The following ESCO2 variants were observed in gnomAD, a reference collection of about 807,000 sequenced individuals.
ESCO2 encodes the protein establishment of sister chromatid cohesion N-acetyltransferase 2.
In ESCO2, 51 loss-of-function variants were observed where a neutral mutation model predicts 61.7. The observed-to-expected ratio is 0.83, with a 90% confidence interval of 0.66 to 1.04. The LOEUF (loss-of-function observed/expected upper bound fraction) is 1.04, where lower values mean the gene tolerates loss of function less well. Among genes scored for constraint, ESCO2 ranks in the 50% least tolerant of loss-of-function variants. The probability of loss-of-function intolerance (pLI) is 0.00; values close to 1 mark genes in which losing one functional copy is unlikely to be tolerated. For missense variants in ESCO2, 692 were observed against 686.2 expected (o/e 1.01, Z -0.09); for synonymous variants, 230 against 238.2 (o/e 0.97, Z 0.32).
At position 27,776,797 on chromosome 8, in the gene ESCO2, A is replaced by G. The variant is rs781481684; in HGVS notation, c.489A>G (p.Arg163=). The G allele has an allele frequency of 2.5e-6, 4 of 1,614,146 alleles. No homozygotes were observed. The East Asian group carries it at 6.7e-5, about 27-fold the overall frequency. ...RHIKPVSRNS[R]NSKQNRVIYK... ...TCAAGCCTGTATCAAGGAATTCTAG[A>G]AATTCCAAGCAAAATCGAGTGATCT... The change falls in exon 3 of 11, where the codon AGA becomes AGG. Residue 163 remains arginine, a synonymous_variant. Coordinates refer to ENST00000305188, the MANE Select transcript of ESCO2 (RefSeq NM_001017420.3).
chr8:27,791,999 G>A lies in ESCO2; in HGVS notation c.1300G>A (p.Asp434Asn), dbSNP rs1211066239. Reference protein sequence around the residue: ...KKERVVAEFWDGKIVLVLPHD... With the variant: ...KKERVVAEFWNGKIVLVLPHD... ...AGAACGTGTAGTAGCAGAGTTTTGG[G>A]ATGGGAAAATCGTGTTGGTTCTGCC... The change falls in exon 8 of 11, where the codon GAT (aspartate) becomes AAT (asparagine). Residue 434 changes from aspartate (D) to asparagine (N), a missense_variant. Transcript: ENST00000305188. 6.2e-7 allele frequency: 1 copy of A among 1,613,890 alleles called. No individual in the cohort carries two copies. Among genetic ancestry groups the A allele is most frequent in the African/African-American group, 1.3e-5 (1 of 74,888 alleles).
intron 1 of ESCO2, 51 bp downstream of exon 1, chr8:27,774,658 C>G (rs1804744172): frequency 1.3e-5 from 2 of 152,458 alleles, no homozygotes; most frequent in Admixed American, 6.5e-5. Context: ...CTGAGGCGAG[C>G]GGGAGACCCT....
chr8:27,795,622 T>C (rs1486386654), intron 9 of ESCO2, among the ~76,000 whole-genome samples: 1 of 152,216 alleles, frequency 6.6e-6, no homozygotes, highest in East Asian at 1.9e-4. Flanking sequence ...TTTTCATTGC[T>C]AAGTATGATG....
At chr8:27,783,585 A>G (rs1185769964) in intron 4 of ESCO2, among the ~76,000 whole-genome samples, 1 of 152,056 alleles carries the variant, frequency 6.6e-6, no homozygotes, top group East Asian at 1.9e-4. Flanking sequence ...TAGACATTTT[A>G]TAGTTTTATG....
chr8:27,808,882 GT>G (rs1563485434), downstream of ESCO2, among the ~76,000 whole-genome samples: 33 of 152,282 alleles, frequency 2.2e-4, no homozygotes, highest in Middle Eastern at 6.8e-3. Context: ...TCAAGGGGCA[GT>G]GCATGCTGGG....
upstream of ESCO2, chr8:27,772,573 G>C (rs893969164): frequency 1.9e-6 from 3 of 1,545,928 alleles, no homozygotes; most frequent in Admixed American, 2.0e-5. Context: ...CTCCACCGCG[G>C]AGCAGCAGCG....
intron 7 of ESCO2, among the ~76,000 whole-genome samples, chr8:27,789,781 C>CAAAA (rs905844657): frequency 0.023 from 1,289 of 56,484 alleles, 19 homozygotes; most frequent in African/African-American, 0.062. Flanking sequence ...AACTCCATCT[C>CAAAA]AAAAAAAAAA....
downstream of ESCO2, among the ~76,000 whole-genome samples, chr8:27,808,985 AG>A (rs1463098725): frequency 2.0e-5 from 3 of 152,178 alleles, no homozygotes; most frequent in Non-Finnish European, 4.4e-5. Flanking sequence ...TCTCAACTGT[AG>A]GAAGTGGAAA....
chr8:27,811,169 T>A, downstream of ESCO2: 1 of 1,608,600 alleles, frequency 6.2e-7, no homozygotes, highest in Non-Finnish European at 8.5e-7. Flanking sequence ...AGGCAGGAGC[T>A]ACAAATCACG....
chr8:27,772,688 G>T, upstream of ESCO2: 1 of 691,724 alleles, frequency 1.4e-6, no homozygotes, highest in Non-Finnish European at 2.4e-6. Flanking sequence ...AACGCCGGCC[G>T]TGGGCGCCAT....
intron 10 of ESCO2, among the ~76,000 whole-genome samples, chr8:27,800,451 C>T (rs910108756): frequency 1.3e-5 from 2 of 152,150 alleles, no homozygotes; most frequent in African/African-American, 4.8e-5. Context: ...AGTAGGATGA[C>T]TGTAATCAAA....
At chr8:27,810,919 TGAA>T, downstream of ESCO2, 1 of 1,241,978 alleles carries the variant, frequency 8.1e-7, no homozygotes, top group East Asian at 2.3e-5. Context: ...TAGTGTGAAA[TGAA>T]GAGATTGGGA....
At chr8:27,806,805 G>A (rs1018128747), downstream of ESCO2, among the ~76,000 whole-genome samples, 14 of 151,904 alleles carry the variant, frequency 9.2e-5, no homozygotes, top group African/African-American at 1.5e-4. Flanking sequence ...TAGTAGAGAC[G>A]GGGTTTTACC....
In ESCO2 at chr8:27,775,548, G is replaced by A. The variant is rs201025850; in HGVS notation, c.34G>A (p.Asp12Asn). ...AALTPRKRKQ[D>N]SLKCDSLLHF... is the part of the protein sequence containing the mutation. Reference sequence around the variant, plus strand: ...TCTTACTCCAAGGAAGAGGAAGCAGGATTCTTTGAAGTGTGACAGGTGAAT... The same window carrying A: ...TCTTACTCCAAGGAAGAGGAAGCAGAATTCTTTGAAGTGTGACAGGTGAAT... The change falls in exon 2 of 11, where the codon GAT becomes AAT. Residue 12 changes from aspartate (D) to asparagine (N), a missense_variant. Transcript: ENST00000305188. The A allele has an allele frequency of 1.2e-6, 2 of 1,614,124 alleles. No individual in the cohort carries two copies. The highest frequency in any genetic ancestry group is 1.3e-5 in the African/African-American group (1 of 75,052).
chr8:27,798,447 A>G lies in ESCO2; in HGVS notation c.1498-1094A>G, dbSNP rs77608161. Among the ~76,000 whole-genome samples the G allele has an allele frequency of 8.0e-3, 1,181 of 146,782 alleles. 13 individuals carry two copies. Among genetic ancestry groups the G allele is most frequent in the African/African-American group, 0.028 (1,093 of 39,682 alleles). ...GCAATCCAGCCTGGGCCACAGAGTG[A>G]GACTCCGTCTCTTTAAAAAAAAAAA... On this transcript the variant is annotated intron_variant, in intron 9 of 10. Coordinates refer to ENST00000305188, the MANE Select transcript of ESCO2 (RefSeq NM_001017420.3).
intron 9 of ESCO2, among the ~76,000 whole-genome samples, chr8:27,793,244 C>A (rs953112904): frequency 5.3e-5 from 8 of 152,064 alleles, no homozygotes; most frequent in African/African-American, 1.7e-4. Flanking sequence ...AGAAAAGCAG[C>A]TTTTTTGTAT....
Position 27,803,346 on chromosome 8 carries a change from A to C in ESCO2, c.1714A>C (p.Ile572Leu). Residue 572 changes from isoleucine (I) to leucine (L), a missense_variant, in exon 11 of 11, where the codon ATA becomes CTA. Coordinates refer to ENST00000305188, the MANE Select transcript of ESCO2 (RefSeq NM_001017420.3). ...TGGCTGTTTTCTCAGCACTGATGAA[A>C]TAGCATTTTCTGACCCAACACCAGA... is the stretch of plus-strand genomic sequence containing the variant. ...MFGCFLSTDE[I>L]AFSDPTPDGK... The C allele has an allele frequency of 6.2e-7, 1 of 1,614,076 alleles. No homozygotes were observed. Among genetic ancestry groups the C allele is most frequent in the South Asian group, 1.1e-5 (1 of 91,074 alleles).
At chr8:27,798,118 A>C (rs1346131728) in intron 9 of ESCO2, among the ~76,000 whole-genome samples, 1 of 152,218 alleles carries the variant, frequency 6.6e-6, no homozygotes, top group Non-Finnish European at 1.5e-5. Context: ...GTTAGTAGGA[A>C]TGTAAAATAT....
downstream of ESCO2, among the ~76,000 whole-genome samples, chr8:27,806,620 CT>C (rs398067714): frequency 0.15 from 20,203 of 136,000 alleles, 1,570 homozygotes; most frequent in East Asian, 0.29. Context: ...TGGATACTTT[CT>C]TTTTTTTTTT....
Sources: gnomAD v4.1 joint callset for allele counts (sites outside exome capture counted in the v4.1 genomes callset) on GRCh38, gnomAD v4.1.1 for gene constraint, MANE v1.5 for transcripts, NCBI Gene and HGNC (gene_info 2026-07-23, HGNC 2026-07-21) for gene names.